LDLRAD4: variants seen among roughly 807,000 people sequenced by gnomAD.
LDLRAD4 encodes the protein low-density lipoprotein receptor class A domain-containing protein 4.
A neutral mutation model predicts 17.0 loss-of-function variants in LDLRAD4; 5 were observed. The observed-to-expected ratio is 0.29, with a 90% CI of 0.15 to 0.62. LDLRAD4 has a LOEUF of 0.62. Among genes scored for constraint, LDLRAD4 ranks in the 20% least tolerant of loss-of-function variants. The pLI, the probability that LDLRAD4 is intolerant of heterozygous loss-of-function variation, is 0.84. For missense variants in LDLRAD4, 340 were observed against 424.7 expected (o/e 0.80, Z 1.75); for synonymous variants, 168 against 171.8 (o/e 0.98, Z 0.17).
At chr18:13,612,554 C>CA in intron 3 of LDLRAD4, 3 of 1,451,262 alleles carry the variant, frequency 2.1e-6, no homozygotes, top group Non-Finnish European at 2.7e-6. Flanking sequence ...CACCCCCCCC[C>CA]CCTCCACGCT....
intron 3 of LDLRAD4, among the ~76,000 whole-genome samples, chr18:13,510,695 G>A (rs1227842599): frequency 2.6e-5 from 4 of 152,296 alleles, no homozygotes; most frequent in African/African-American, 9.6e-5. Context: ...TTAAAAATAT[G>A]AGGAAAGGCA....
chr18:13,279,536 C>T (rs192534026), intron 1 of LDLRAD4: 65 of 152,264 alleles, frequency 4.3e-4, no homozygotes, highest in African/African-American at 1.5e-3. Context: ...GGACTATGCC[C>T]CCGAAGACTG....
intron 3 of LDLRAD4, among the ~76,000 whole-genome samples, chr18:13,565,680 T>C (rs1186055854): frequency 6.6e-6 from 1 of 152,224 alleles, no homozygotes; most frequent in East Asian, 1.9e-4. Context: ...GCTCATGCCG[T>C]GAGCATAACC....
chr18:13,423,400 A>G (rs1213002561), intron 2 of LDLRAD4, among the ~76,000 whole-genome samples: 2 of 151,744 alleles, frequency 1.3e-5, no homozygotes, highest in African/African-American at 4.8e-5. Context: ...AGCTGAGGCA[A>G]GAGAATCTCT....
chr18:13,631,887 A>C (rs2041694982), intron 4 of LDLRAD4, among the ~76,000 whole-genome samples: 1 of 152,188 alleles, frequency 6.6e-6, no homozygotes, highest in Non-Finnish European at 1.5e-5. Flanking sequence ...AGATCGTGCC[A>C]CTGTACTCCA....
intron 3 of LDLRAD4, among the ~76,000 whole-genome samples, chr18:13,492,743 G>A (rs1326103934): frequency 6.6e-6 from 1 of 152,132 alleles, no homozygotes. Context: ...GGTGCCCTGG[G>A]AGCACCAGGT....
intron 3 of LDLRAD4, chr18:13,514,717 T>C (rs2093836606): frequency 6.6e-6 from 1 of 152,262 alleles, no homozygotes; most frequent in African/African-American, 2.4e-5. Context: ...TCTGAGCTAA[T>C]CCCAGGATCA....
In LDLRAD4 at chr18:13,473,665, AT is replaced by A. The variant is rs1568213860; in HGVS notation, c.181+35282del. ...TATATATATATATATATATATATAT[AT>A]ATATATATATATAACGTTTACATTT... On this transcript the variant is annotated intron_variant, in intron 3 of 5. Transcript: ENST00000359446. Among the ~76,000 whole-genome samples, 67 of 111,916 alleles carry A rather than the reference AT, an allele frequency of 6.0e-4. 3 individuals carry two copies. The Middle Eastern group carries it at 0.024, about 41-fold the overall frequency. 73.4% of individuals were successfully genotyped at this position (111,916 alleles called of 152,430 possible).
At chr18:13,579,210 A>T (rs2094822327) in intron 3 of LDLRAD4, among the ~76,000 whole-genome samples, 1 of 152,180 alleles carries the variant, frequency 6.6e-6, no homozygotes. Flanking sequence ...AATAAAAAAA[A>T]TATAATGCTA....
At chr18:13,620,209 G>A (rs966898481) in intron 3 of LDLRAD4, among the ~76,000 whole-genome samples, 1 of 152,164 alleles carries the variant, frequency 6.6e-6, no homozygotes, top group Non-Finnish European at 1.5e-5. Flanking sequence ...GCCCTGCTGC[G>A]GCACATGTAC....
chr18:13,377,020 C>T (rs2084960636), intron 1 of LDLRAD4, among the ~76,000 whole-genome samples: 1 of 152,204 alleles, frequency 6.6e-6, no homozygotes, highest in Non-Finnish European at 1.5e-5. Flanking sequence ...TCACATCCTG[C>T]CTCGCCTGGC....
chr18:13,362,964 C>T (rs937947431), intron 1 of LDLRAD4, among the ~76,000 whole-genome samples: 2 of 152,034 alleles, frequency 1.3e-5, no homozygotes, highest in Non-Finnish European at 2.9e-5. Flanking sequence ...CTAACCAGTT[C>T]TGTGCTCTGT....
chr18:13,480,809 A>G (rs2146939285), intron 3 of LDLRAD4, among the ~76,000 whole-genome samples: 1 of 152,328 alleles, frequency 6.6e-6, no homozygotes, highest in African/African-American at 2.4e-5. Context: ...CATGATGACA[A>G]ATGTTAGAAA....
At chr18:13,220,240 A>G (rs1381067784) in intron 1 of LDLRAD4, among the ~76,000 whole-genome samples, 1 of 152,200 alleles carries the variant, frequency 6.6e-6, no homozygotes, top group Non-Finnish European at 1.5e-5. Context: ...GGGAATGTAA[A>G]TGCCAGTAAG....
intron 1 of LDLRAD4, among the ~76,000 whole-genome samples, chr18:13,250,142 T>A (rs2043161190): frequency 6.6e-6 from 1 of 152,250 alleles, no homozygotes; most frequent in Non-Finnish European, 1.5e-5. Flanking sequence ...TGTGGATTAA[T>A]GTCTGTTCTC....
chr18:13,273,396 G>A (rs1163298913), upstream of LDLRAD4, among the ~76,000 whole-genome samples: 1 of 152,112 alleles, frequency 6.6e-6, no homozygotes, highest in Non-Finnish European at 1.5e-5. Context: ...AAACTCCTGG[G>A]CTCAAGAGAT....
At chr18:13,646,806 G>C (rs942432418) in exon 6 of LDLRAD4, 1 of 152,306 alleles carries the variant, frequency 6.6e-6, no homozygotes, top group Non-Finnish European at 1.5e-5. Flanking sequence ...CCCTTTCCTC[G>C]ACAGCTTAGT....
chr18:13,245,215 T>C (rs1054150259), intron 1 of LDLRAD4, among the ~76,000 whole-genome samples: 9 of 152,334 alleles, frequency 5.9e-5, no homozygotes, highest in Admixed American at 2.0e-4. Context: ...GTACCTGGGC[T>C]GTACGGATGC....
chr18:13,620,192 G>A (rs1434181896), intron 3 of LDLRAD4, among the ~76,000 whole-genome samples: 1 of 152,188 alleles, frequency 6.6e-6, no homozygotes, highest in East Asian at 1.9e-4. Context: ...CACTGGCCGG[G>A]GCCTGAGCCC....
Sources: gnomAD v4.1 joint callset for allele counts (sites outside exome capture counted in the v4.1 genomes callset) on GRCh38, gnomAD v4.1.1 for gene constraint, MANE v1.5 for transcripts, NCBI Gene and HGNC (gene_info 2026-07-23, HGNC 2026-07-21) for gene names.